CDKAL1: variants seen among roughly 807,000 people sequenced by gnomAD.
The protein encoded by CDKAL1 is CDKAL1 threonylcarbamoyladenosine tRNA methylthiotransferase.
CDKAL1 carries 32 observed loss-of-function variants against 68.2 expected under a neutral mutation model. The observed-to-expected ratio is 0.47, with a 90% CI of 0.35 to 0.63. The LOEUF is 0.63. CDKAL1 is among the 30% of genes least tolerant of loss of function. CDKAL1 has a pLI of 0.00. For missense variants in CDKAL1, 606 were observed against 696.7 expected, an observed-to-expected ratio of 0.87 and a Z score of 1.47; for synonymous variants, 234 against 244.3, an observed-to-expected ratio of 0.96 and a Z score of 0.39.
chr6:20,959,691 C>T (rs981470206), intron 10 of CDKAL1, among the ~76,000 whole-genome samples: 1 of 152,074 alleles, frequency 6.6e-6, no homozygotes, highest in Non-Finnish European at 1.5e-5. Context: ...GCTAATATAT[C>T]GCCCCTGTAG....
intron 5 of CDKAL1, among the ~76,000 whole-genome samples, chr6:20,727,612 G>A (rs1042088740): frequency 1.1e-4 from 16 of 152,164 alleles, no homozygotes; most frequent in Non-Finnish European, 7.4e-5. Flanking sequence ...CTTCAGAGTA[G>A]TTCTCTTCCT....
intron 8 of CDKAL1, among the ~76,000 whole-genome samples, chr6:20,814,811 A>G (rs1776975200): frequency 6.6e-6 from 1 of 152,160 alleles, no homozygotes; most frequent in African/African-American, 2.4e-5. Context: ...CCTTTCTATC[A>G]TTCTCCAGAG....
intron 5 of CDKAL1, among the ~76,000 whole-genome samples, chr6:20,709,477 T>G (rs1298272914): frequency 6.6e-6 from 1 of 152,148 alleles, no homozygotes; most frequent in South Asian, 2.1e-4. Flanking sequence ...GTCTGAACAC[T>G]TCCACTTCCA....
At chr6:20,774,727 T>A (rs1209446606) in intron 7 of CDKAL1, among the ~76,000 whole-genome samples, 1 of 152,248 alleles carries the variant, frequency 6.6e-6, no homozygotes, top group Non-Finnish European at 1.5e-5. Flanking sequence ...GTGAATTGTA[T>A]CAAAAGCTAG....
chr6:20,961,503 C>T (rs1765053810), intron 10 of CDKAL1, among the ~76,000 whole-genome samples: 1 of 152,182 alleles, frequency 6.6e-6, no homozygotes, highest in African/African-American at 2.4e-5. Flanking sequence ...CGCAGTGGCT[C>T]ACGCCTGTAA....
intron 15 of CDKAL1, among the ~76,000 whole-genome samples, chr6:21,210,020 C>G (rs1161792426): frequency 2.6e-5 from 4 of 152,196 alleles, no homozygotes; most frequent in Non-Finnish European, 5.9e-5. Context: ...CTGTCTGTGT[C>G]AGGACTGTCT....
At chr6:20,902,315 A>ACG (rs1227711990) in intron 9 of CDKAL1, among the ~76,000 whole-genome samples, 8 of 1,886 alleles carry the variant, frequency 4.2e-3, no homozygotes, top group African/African-American at 7.3e-3. Context: ...GTGGATTCAC[A>ACG]CACACACACA....
chr6:20,538,198 CTTG>C (rs1763252809), intron 2 of CDKAL1, among the ~76,000 whole-genome samples: 2 of 150,506 alleles, frequency 1.3e-5, no homozygotes, highest in Admixed American at 6.6e-5. Context: ...TGTTTCAATA[CTTG>C]TTGTTAGTGT....
intron 10 of CDKAL1, among the ~76,000 whole-genome samples, chr6:20,986,222 A>T (rs1460214798): frequency 6.6e-6 from 1 of 152,168 alleles, no homozygotes; most frequent in Non-Finnish European, 1.5e-5. Context: ...AGACCTAATG[A>T]TCTACTGTCA....
chr6:21,104,558 G>T (rs1358922733), intron 12 of CDKAL1, among the ~76,000 whole-genome samples: 9 of 151,976 alleles, frequency 5.9e-5, no homozygotes, highest in Non-Finnish European at 1.2e-4. Context: ...GATTGGCTAT[G>T]GGGCCATAGT....
chr6:20,975,457 T>C (rs73733176), intron 10 of CDKAL1, among the ~76,000 whole-genome samples: 14,604 of 152,242 alleles, frequency 0.096, 1,202 homozygotes, highest in African/African-American at 0.23. Context: ...CTACATTAGG[T>C]AACTACATAC....
chr6:20,634,996 A>G (rs186983985), intron 4 of CDKAL1, among the ~76,000 whole-genome samples: 107 of 151,532 alleles, frequency 7.1e-4, no homozygotes, highest in Admixed American at 2.1e-3. Context: ...AAAAAAAAAA[A>G]AAGAAGAAAG....
intron 4 of CDKAL1, among the ~76,000 whole-genome samples, chr6:20,596,834 T>C (rs1226503616): frequency 6.6e-6 from 1 of 152,202 alleles, no homozygotes; most frequent in African/African-American, 2.4e-5. Flanking sequence ...GTGTAGTATC[T>C]GGGCTGAAGT....
At chr6:20,725,712 A>T (rs1772613725) in intron 5 of CDKAL1, among the ~76,000 whole-genome samples, 2 of 150,656 alleles carry the variant, frequency 1.3e-5, no homozygotes, top group Admixed American at 1.3e-4. Flanking sequence ...TGAATCTGGG[A>T]GACCGAGGTT....
chr6:20,548,532 CAAA>C (rs370920469), intron 3 of CDKAL1, 58 bp from the exon 4 acceptor site: 350 of 681,868 alleles, frequency 5.1e-4, no homozygotes, highest in East Asian at 6.6e-4. Context: ...GACCCTGGAT[CAAA>C]AAAAAAAAAA....
At chr6:21,114,938 G>A (rs1237680993) in intron 13 of CDKAL1, among the ~76,000 whole-genome samples, 1 of 151,934 alleles carries the variant, frequency 6.6e-6, no homozygotes. Flanking sequence ...TAGTGTACAG[G>A]GAATTCATAT....
chr6:20,973,429 A>C (rs1765689527), intron 10 of CDKAL1, among the ~76,000 whole-genome samples: 1 of 152,126 alleles, frequency 6.6e-6, no homozygotes, highest in African/African-American at 2.4e-5. Context: ...GCGGGGAGTG[A>C]AGTAGGACCC....
At chr6:20,789,341 A>G (rs905979230) in intron 8 of CDKAL1, among the ~76,000 whole-genome samples, 1 of 152,230 alleles carries the variant, frequency 6.6e-6, no homozygotes, top group East Asian at 1.9e-4. Flanking sequence ...TCATAGGAAC[A>G]GTGGATGGCA....
At chr6:21,110,255 C>G (rs1439950968) in intron 13 of CDKAL1, among the ~76,000 whole-genome samples, 1 of 152,128 alleles carries the variant, frequency 6.6e-6, no homozygotes, top group East Asian at 1.9e-4. Flanking sequence ...CCAGGCAGCT[C>G]CCGGCCTCCT....
Sources: gnomAD v4.1 joint callset for allele counts (sites outside exome capture counted in the v4.1 genomes callset) on GRCh38, gnomAD v4.1.1 for gene constraint, MANE v1.5 for transcripts, NCBI Gene and HGNC (gene_info 2026-07-23, HGNC 2026-07-21) for gene names.